CNTNAP2: variants seen among roughly 807,000 people sequenced by gnomAD.
CNTNAP2 encodes contactin associated protein 2, also known as contactin-associated protein-like 2.
In CNTNAP2, 98 loss-of-function variants were observed where a neutral mutation model predicts 155.2. The ratio of observed to expected loss-of-function variants is 0.63; its 90% CI spans 0.54 to 0.75. The LOEUF (loss-of-function observed/expected upper bound fraction) is 0.75, where lower values mean the gene tolerates loss of function less well. Ranked by LOEUF, CNTNAP2 falls within the 30% of genes least tolerant of loss-of-function variation. The pLI is 0.00. For synonymous variants in CNTNAP2, 651 were observed against 631.2 expected, an observed-to-expected ratio of 1.03 and a Z score of -0.47; for missense variants, 1,727 against 1,688.1, an observed-to-expected ratio of 1.02 and a Z score of -0.40.
At chr7:147,681,592 G>T (rs917812817) in intron 13 of CNTNAP2, among the ~76,000 whole-genome samples, 1 of 151,840 alleles carries the variant, frequency 6.6e-6, no homozygotes, top group Non-Finnish European at 1.5e-5. Context: ...ATGCAGAAAT[G>T]ACTTAATAAA....
chr7:146,293,076 C>T (rs543700449), intron 1 of CNTNAP2, among the ~76,000 whole-genome samples: 1 of 152,006 alleles, frequency 6.6e-6, no homozygotes, highest in Non-Finnish European at 1.5e-5. Flanking sequence ...ATATTGTATT[C>T]ACGAACTATA....
intron 1 of CNTNAP2, among the ~76,000 whole-genome samples, chr7:146,724,575 T>G (rs1423918406): frequency 7.4e-6 from 1 of 135,978 alleles, no homozygotes; most frequent in Admixed American, 7.3e-5. Context: ...TTTTTTTTTT[T>G]TTTTTTTTTT....
At chr7:147,271,443 C>A (rs1400763347) in intron 8 of CNTNAP2, among the ~76,000 whole-genome samples, 1 of 152,204 alleles carries the variant, frequency 6.6e-6, no homozygotes, top group Non-Finnish European at 1.5e-5. Context: ...GCTCCAGACA[C>A]CCTGAATGCC....
At chr7:146,398,184 C>CTTTTTT (rs34144986) in intron 1 of CNTNAP2, among the ~76,000 whole-genome samples, 4 of 107,046 alleles carry the variant, frequency 3.7e-5, no homozygotes, top group Admixed American at 1.0e-4. Context: ...CGGCCCCAAA[C>CTTTTTT]TTTTTTTTTT....
chr7:147,048,449 T>C (rs946547987), intron 4 of CNTNAP2, among the ~76,000 whole-genome samples: 1 of 152,172 alleles, frequency 6.6e-6, no homozygotes, highest in Non-Finnish European at 1.5e-5. Context: ...ACCTCCGAAG[T>C]TGTGAAAGAA....
intron 20 of CNTNAP2, among the ~76,000 whole-genome samples, chr7:148,241,660 T>C (rs1465590513): frequency 2.0e-5 from 3 of 152,250 alleles, no homozygotes; most frequent in Non-Finnish European, 4.4e-5. Flanking sequence ...TTAGCTTATT[T>C]ATTTTTTACT....
intron 21 of CNTNAP2, among the ~76,000 whole-genome samples, chr7:148,372,901 A>C (rs1165653220): frequency 6.6e-6 from 1 of 152,222 alleles, no homozygotes; most frequent in Admixed American, 6.5e-5. Context: ...AGATTTTGCT[A>C]TTTAAAAATT....
intron 1 of CNTNAP2, among the ~76,000 whole-genome samples, chr7:146,405,294 A>G (rs546018958): frequency 6.6e-6 from 1 of 152,178 alleles, no homozygotes; most frequent in Non-Finnish European, 1.5e-5. Context: ...ACTGGCAAGG[A>G]TAACAACCCT....
chr7:148,239,627 G>A (rs1290489831), intron 20 of CNTNAP2, among the ~76,000 whole-genome samples: 5 of 152,172 alleles, frequency 3.3e-5, no homozygotes, highest in South Asian at 2.1e-4. Flanking sequence ...ATTTGAGCAC[G>A]TTTTCATTAT....
chr7:147,439,557 G>T (rs1250643826), intron 10 of CNTNAP2, among the ~76,000 whole-genome samples: 1 of 151,856 alleles, frequency 6.6e-6, no homozygotes, highest in African/African-American at 2.4e-5. Context: ...ACATTCTGTA[G>T]CCGTTGGATG....
intron 13 of CNTNAP2, among the ~76,000 whole-genome samples, chr7:147,697,423 G>A (rs1248331528): frequency 6.6e-6 from 1 of 151,462 alleles, no homozygotes; most frequent in Non-Finnish European, 1.5e-5. Flanking sequence ...TTTTTTGTTT[G>A]TTGCCTTTAT....
At chr7:147,399,458 T>G (rs1369803354) in intron 10 of CNTNAP2, among the ~76,000 whole-genome samples, 1 of 151,888 alleles carries the variant, frequency 6.6e-6, no homozygotes, top group Non-Finnish European at 1.5e-5. Context: ...GGAGGCAGAG[T>G]CAGTAGGGTT....
At chr7:146,199,996 G>A (rs935718313) in intron 1 of CNTNAP2, among the ~76,000 whole-genome samples, 3 of 152,152 alleles carry the variant, frequency 2.0e-5, no homozygotes, top group East Asian at 1.9e-4. Flanking sequence ...AATGAAGTCC[G>A]AAAATTAGTT....
intron 3 of CNTNAP2, among the ~76,000 whole-genome samples, chr7:146,853,561 T>G (rs902405347): frequency 2.0e-5 from 3 of 152,228 alleles, no homozygotes; most frequent in Non-Finnish European, 4.4e-5. Flanking sequence ...CCAATAGTAA[T>G]CACCATGCAC....
chr7:146,608,885 CCTAAA>C (rs1416143860), intron 1 of CNTNAP2, among the ~76,000 whole-genome samples: 2 of 152,030 alleles, frequency 1.3e-5, no homozygotes, highest in African/African-American at 4.8e-5. Flanking sequence ...CTTACTTTCT[CCTAAA>C]CTAGTCAGAT....
At chr7:147,050,409 C>A (rs1410813089) in intron 4 of CNTNAP2, among the ~76,000 whole-genome samples, 1 of 152,120 alleles carries the variant, frequency 6.6e-6, no homozygotes, top group Non-Finnish European at 1.5e-5. Context: ...CTTGGGAAAC[C>A]AAGGTACACA....
chr7:148,224,393 A>G (rs1563001468), intron 19 of CNTNAP2, among the ~76,000 whole-genome samples: 1 of 152,186 alleles, frequency 6.6e-6, no homozygotes, highest in Non-Finnish European at 1.5e-5. Flanking sequence ...GCATATTCAA[A>G]GGCCCTGAGG....
At chr7:146,148,290 ATAGAG>A (rs1267803556) in intron 1 of CNTNAP2, among the ~76,000 whole-genome samples, 1 of 152,114 alleles carries the variant, frequency 6.6e-6, no homozygotes, top group Non-Finnish European at 1.5e-5. Context: ...TTTGAAATAT[ATAGAG>A]TATTTTCTCT....
intron 1 of CNTNAP2, among the ~76,000 whole-genome samples, chr7:146,211,749 C>G (rs959158503): frequency 6.6e-6 from 1 of 152,056 alleles, no homozygotes; most frequent in Non-Finnish European, 1.5e-5. Context: ...AAACTAGAGA[C>G]AGCAGACCTA....
Sources: gnomAD v4.1 joint callset for allele counts (sites outside exome capture counted in the v4.1 genomes callset) on GRCh38, gnomAD v4.1.1 for gene constraint, MANE v1.5 for transcripts, NCBI Gene and HGNC (gene_info 2026-07-23, HGNC 2026-07-21) for gene names.